Variants in SCEL observed in about 807,000 individuals in gnomAD.
The protein encoded by SCEL is sciellin.
SCEL carries 113 observed loss-of-function variants against 117.6 expected under a neutral mutation model. The observed-to-expected ratio is 0.96, with a 90% CI of 0.83 to 1.12. The LOEUF (loss-of-function observed/expected upper bound fraction) is 1.12, where lower values mean the gene tolerates loss of function less well. Ranked by LOEUF, SCEL falls within the 50% of genes most tolerant of loss-of-function variation. SCEL has a pLI of 0.00. For synonymous variants in SCEL, 270 were observed against 256.2 expected, an observed-to-expected ratio of 1.05 and a Z score of -0.51; for missense variants, 785 against 810.8, an observed-to-expected ratio of 0.97 and a Z score of 0.39.
chr13:77,634,227 T>C, intron 28 of SCEL, 152 bp from the exon 29 acceptor site: 1 of 611,210 alleles, frequency 1.6e-6, no homozygotes, highest in Non-Finnish European at 2.7e-6. Flanking sequence ...TTTGCAGTGC[T>C]GTGTTAATAC....
chr13:77,539,145 T>C (rs1164182364), intron 1 of SCEL, among the ~76,000 whole-genome samples: 1 of 152,170 alleles, frequency 6.6e-6, no homozygotes, highest in Admixed American at 6.5e-5. Context: ...TGAACCATGA[T>C]TCCATGTGGA....
At chr13:77,567,783 G>A (rs776457345) in intron 6 of SCEL, 35 bp downstream of exon 6, 2 of 1,353,616 alleles carry the variant, frequency 1.5e-6, no homozygotes, top group East Asian at 2.4e-5. Flanking sequence ...AAAGGCTCAA[G>A]TATAATATTT....
Position 77,557,359 on chromosome 13 carries a change from C to A in SCEL, c.161+646C>A, listed in dbSNP as rs535988589. ...AGATTTGCAATAGGTATTTGTCCAG[C>A]AATAGGTATTTGTCCGATTATATAT... On this transcript the variant is annotated intron_variant, in intron 3 of 32. Coordinates refer to ENST00000349847, the MANE Select transcript of SCEL (RefSeq NM_144777.3). Among the ~76,000 whole-genome samples the A allele has an allele frequency of 1.6e-4, 25 of 152,272 alleles. No homozygotes were observed. The South Asian group carries it at 4.6e-3, about 28-fold the overall frequency.
intron 17 of SCEL, 151 bp downstream of exon 17, chr13:77,602,864 C>A: frequency 1.5e-6 from 1 of 667,368 alleles, no homozygotes; most frequent in South Asian, 2.2e-5. Flanking sequence ...ACAGTATATT[C>A]GATCTAAATT....
chr13:77,580,121 C>G (rs934192185), intron 9 of SCEL, among the ~76,000 whole-genome samples: 2 of 152,160 alleles, frequency 1.3e-5, no homozygotes, highest in Non-Finnish European at 2.9e-5. Flanking sequence ...TATCATGTTT[C>G]TATTTTAAGA....
At chr13:77,558,562 C>T (rs2084789836) in intron 3 of SCEL, among the ~76,000 whole-genome samples, 1 of 151,958 alleles carries the variant, frequency 6.6e-6, no homozygotes, top group African/African-American at 2.4e-5. Context: ...TCCTGTTATC[C>T]CAGCACTTTG....
In SCEL at chr13:77,602,530, G is replaced by T; in HGVS notation, c.978-124G>T. On this transcript the variant is annotated intron_variant, in intron 16 of 32. Transcript: ENST00000349847. Reference sequence around the variant, plus strand: ...GTAAGTTAAGGATAATTACATCAAAGCTCTTTTTGGTCATTTGGTCCTGAA... The same window carrying T: ...GTAAGTTAAGGATAATTACATCAAATCTCTTTTTGGTCATTTGGTCCTGAA... 5.4e-6 allele frequency: 4 copies of T among 737,762 alleles called. No homozygotes were observed. The South Asian group carries it at 7.0e-5, about 13-fold the overall frequency. The allele number at this position is 737,762 out of a possible 1,614,324, so 45.7% of individuals were successfully genotyped here.
chr13:77,557,653 A>G (rs892581235), intron 3 of SCEL, among the ~76,000 whole-genome samples: 4 of 152,176 alleles, frequency 2.6e-5, no homozygotes, highest in East Asian at 1.9e-4. Context: ...ACCAGGGGCA[A>G]TTTTACCTCC....
intron 9 of SCEL, among the ~76,000 whole-genome samples, chr13:77,579,165 C>T (rs1160925729): frequency 2.0e-5 from 3 of 152,158 alleles, no homozygotes; most frequent in Admixed American, 2.0e-4. Context: ...CTCCCGAAAG[C>T]TTTCATACTC....
At chr13:77,578,000 A>G (rs1400367379) in intron 9 of SCEL, among the ~76,000 whole-genome samples, 1 of 152,110 alleles carries the variant, frequency 6.6e-6, no homozygotes, top group Admixed American at 6.5e-5. Flanking sequence ...TCATAACAAA[A>G]CACAACATAT....
intron 8 of SCEL, among the ~76,000 whole-genome samples, chr13:77,571,766 A>G (rs1018436775): frequency 6.6e-6 from 1 of 151,686 alleles, no homozygotes; most frequent in Non-Finnish European, 1.5e-5. Context: ...CTGTTGTGAA[A>G]TAGTTCAGAC....
chr13:77,588,072 A>T (rs1253779740), intron 9 of SCEL, among the ~76,000 whole-genome samples: 2 of 152,060 alleles, frequency 1.3e-5, no homozygotes, highest in African/African-American at 4.8e-5. Flanking sequence ...CTGTTTTATT[A>T]TTATTATTAT....
chr13:77,643,625 C>T (rs1442734254), intron 32 of SCEL, among the ~76,000 whole-genome samples: 1 of 152,058 alleles, frequency 6.6e-6, no homozygotes, highest in Non-Finnish European at 1.5e-5. Context: ...ACACTTGGGA[C>T]CCCTACCTGG....
chr13:77,644,231 G>C, intron 32 of SCEL, 27 bp from the exon 33 acceptor site: 2 of 1,612,698 alleles, frequency 1.2e-6, no homozygotes, highest in South Asian at 2.2e-5. Flanking sequence ...TACTGAATTT[G>C]CACGTCTTTT....
At chr13:77,605,738 G>A (rs933986059) in intron 19 of SCEL, among the ~76,000 whole-genome samples, 1 of 152,162 alleles carries the variant, frequency 6.6e-6, no homozygotes, top group Admixed American at 6.5e-5. Flanking sequence ...CGAGCACAGT[G>A]GCTCAAGCCT....
chr13:77,594,433 C>G (rs1012746515), intron 12 of SCEL, among the ~76,000 whole-genome samples: 1 of 152,226 alleles, frequency 6.6e-6, no homozygotes, highest in African/African-American at 2.4e-5. Context: ...TTTCCAGCCT[C>G]AAGCCACCAT....
intron 27 of SCEL, among the ~76,000 whole-genome samples, chr13:77,619,088 A>T (rs545573188): frequency 1.1e-4 from 16 of 152,338 alleles, no homozygotes; most frequent in Admixed American, 9.2e-4. Context: ...GTCATAATAA[A>T]TACATTGCTG....
chr13:77,573,638 CATCTATCTATCTATCT>C lies in SCEL; in HGVS notation c.545+1478_545+1493del, dbSNP rs10565753. Among the ~76,000 whole-genome samples the C allele has an allele frequency of 3.5e-4, 53 of 149,870 alleles. No individual in the cohort carries two copies. The East Asian group carries it at 4.4e-3, about 12-fold the overall frequency. The stretch of plus-strand genomic sequence containing the variant: ...GTTGCTTTTTTTATATCTGTCATTA[CATCTATCTATCTATCT>C]ATCTATCTATCTATCTATCTATCTA... On this transcript the variant is annotated intron_variant, in intron 9 of 32. Transcript: ENST00000349847.
chr13:77,593,541 A>G lies in SCEL; in HGVS notation c.720A>G (p.Lys240=), dbSNP rs1196633615. The G allele has an allele frequency of 6.2e-7, 1 of 1,613,122 alleles. No individual in the cohort carries two copies. The highest frequency in any genetic ancestry group is 8.5e-7 in the Non-Finnish European group (1 of 1,179,474). The part of the protein sequence containing the change: ...IRSQDLDNIV[K]VATSLQRSDK... Reference sequence around the variant, plus strand: ...GTCAGGATCTTGATAACATCGTCAAAGTGGCCACTTCACTTCAGAGAAGTG... The same window carrying G: ...GTCAGGATCTTGATAACATCGTCAAGGTGGCCACTTCACTTCAGAGAAGTG... Residue 240 remains lysine (K), a synonymous_variant, in exon 12 of 33, where the codon AAA becomes AAG. Transcript: ENST00000349847.
Sources: gnomAD v4.1 joint callset for allele counts (sites outside exome capture counted in the v4.1 genomes callset) on GRCh38, gnomAD v4.1.1 for gene constraint, MANE v1.5 for transcripts, NCBI Gene and HGNC (gene_info 2026-07-23, HGNC 2026-07-21) for gene names.